SHROOM3: variants seen among roughly 807,000 people sequenced by gnomAD.
The protein encoded by SHROOM3 is shroom family member 3.
SHROOM3 carries 47 observed loss-of-function variants against 138.6 expected under a neutral mutation model. The ratio of observed to expected loss-of-function variants is 0.34; its 90% CI spans 0.27 to 0.43. The LOEUF is 0.43. SHROOM3 is among the 20% of genes least tolerant of loss of function. The pLI is 1.00. For synonymous variants in SHROOM3, 1,062 were observed against 1,063.3 expected (o/e 1.00, Z 0.02); for missense variants, 2,491 against 2,596.5 (o/e 0.96, Z 0.88).
chr4:76,646,578 G>A (rs371069798), intron 2 of SHROOM3, among the ~76,000 whole-genome samples: 7 of 151,804 alleles, frequency 4.6e-5, no homozygotes, highest in African/African-American at 1.7e-4. Context: ...CACATAACAC[G>A]GTACTTCAGG....
chr4:76,668,732 A>C (rs923072739), intron 2 of SHROOM3, among the ~76,000 whole-genome samples: 4 of 152,216 alleles, frequency 2.6e-5, no homozygotes, highest in Admixed American at 1.3e-4. Flanking sequence ...ACACACCTGC[A>C]CAGTTTGAAA....
At chr4:76,495,763 GGAGCAGTGTCT>G (rs1438353872) in intron 1 of SHROOM3, among the ~76,000 whole-genome samples, 1 of 152,234 alleles carries the variant, frequency 6.6e-6, no homozygotes, top group Admixed American at 6.5e-5. Context: ...GTGGAGAATG[GGAGCAGTGTCT>G]GATATCAACT....
chr4:76,759,560 AG>A lies in SHROOM3; in HGVS notation c.5215del (p.Ala1739GlnfsTer2), dbSNP rs745806500. The A allele has an allele frequency of 6.2e-7, 1 of 1,614,136 alleles. No homozygotes were observed. Among genetic ancestry groups the A allele is most frequent in the South Asian group, 1.1e-5 (1 of 91,078 alleles). Reference protein sequence around the residue: ...CEGKRNEDKEAVSMLVNCPAY... With the variant: ...CEGKRNEDKEXVSMLVNCPAY... ...TTTGGCCCAGGAATGAAGACAAGGA[AG>A]CAGTGAGCATGTTGGTTAACTGCCC... On this transcript the variant is annotated frameshift_variant, in exon 9 of 11. Transcript: ENST00000296043. LOFTEE classifies it high-confidence loss of function.
intron 3 of SHROOM3, among the ~76,000 whole-genome samples, chr4:76,722,769 G>A (rs1404885119): frequency 1.3e-5 from 2 of 152,022 alleles, no homozygotes; most frequent in Admixed American, 6.6e-5. Flanking sequence ...GACCTAATTT[G>A]CAGAATATAT....
rs60241765 is a variant in SHROOM3 at position 76,757,190 on chromosome 4, C to T, written c.5198+253C>T. On this transcript the variant is annotated intron_variant, in intron 8 of 10. Coordinates refer to ENST00000296043, the MANE Select transcript of SHROOM3 (RefSeq NM_020859.4). ...CCCATTGTTAACGTTGTGTGTCAAACATTGTATTAATTTATTTATATCAAC... is the reference window on the plus strand; with the variant it reads ...CCCATTGTTAACGTTGTGTGTCAAATATTGTATTAATTTATTTATATCAAC... 69,232 of 488,936 alleles carry T rather than the reference C, an allele frequency of 0.14. 5,713 individuals carry two copies. Among genetic ancestry groups the T allele is most frequent in the East Asian group, 0.22 (5,969 of 26,616 alleles). The allele number at this position is 488,936 out of a possible 1,614,324, so 30.3% of individuals were successfully genotyped here. A position where few individuals can be genotyped will look rare whatever the true frequency, so the allele number is the denominator to read the frequency against.
intron 1 of SHROOM3, among the ~76,000 whole-genome samples, chr4:76,464,001 C>T (rs1731197225): frequency 6.6e-6 from 1 of 152,226 alleles, no homozygotes; most frequent in Non-Finnish European, 1.5e-5. Context: ...TCAGAGTCCC[C>T]ACACAGAGTC....
At chr4:76,598,492 T>C (rs950665845) in intron 2 of SHROOM3, among the ~76,000 whole-genome samples, 3 of 152,200 alleles carry the variant, frequency 2.0e-5, no homozygotes, top group African/African-American at 7.2e-5. Flanking sequence ...ACAAAGTAGC[T>C]TACACAAAGA....
rs779379610 is a variant in SHROOM3, at chr4:76,730,873, CA to C, written c.526del (p.Ser176AlafsTer2). 6.2e-7 allele frequency: 1 copy of C among 1,614,112 alleles called. No homozygotes were observed. The highest frequency in any genetic ancestry group is 8.5e-7 in the Non-Finnish European group (1 of 1,180,020). ...TKSGEKQPDA[S>X]MMQISQGMIG... is the part of the protein sequence containing the mutation. ...AATCTGGGGAGAAGCAACCCGATGC[CA>C]GCATGATGCAGATATCTCAGGGTAT... On this transcript the variant is annotated frameshift_variant, in exon 4 of 11. Coordinates refer to ENST00000296043, the MANE Select transcript of SHROOM3 (RefSeq NM_020859.4). LOFTEE classifies it high-confidence loss of function.
intron 4 of SHROOM3, among the ~76,000 whole-genome samples, chr4:76,731,946 GT>G (rs1014707193): frequency 6.6e-6 from 1 of 152,160 alleles, no homozygotes; most frequent in Non-Finnish European, 1.5e-5. Context: ...TCTAGCTACT[GT>G]TTGTTGTATG....
chr4:76,605,938 T>TATATATACACATATATATATAC (rs1734604720), intron 2 of SHROOM3, among the ~76,000 whole-genome samples: 1 of 142,148 alleles, frequency 7.0e-6, no homozygotes, highest in Middle Eastern at 3.6e-3. Flanking sequence ...TCTCTCTATA[T>TATATATACACATATATATATAC]ATATATATAC....
At chr4:76,467,735 A>G (rs533321796) in intron 1 of SHROOM3, among the ~76,000 whole-genome samples, 3 of 152,302 alleles carry the variant, frequency 2.0e-5, no homozygotes, top group South Asian at 4.2e-4. Flanking sequence ...TGAGATGAAG[A>G]TAAGTAGTCC....
intron 5 of SHROOM3, among the ~76,000 whole-genome samples, chr4:76,743,283 C>A (rs1721322318): frequency 6.6e-6 from 1 of 152,184 alleles, no homozygotes; most frequent in Non-Finnish European, 1.5e-5. Flanking sequence ...ACGCATACAG[C>A]AACAAATGCT....
chr4:76,696,560 C>A (rs1719741005), intron 2 of SHROOM3, among the ~76,000 whole-genome samples: 1 of 152,184 alleles, frequency 6.6e-6, no homozygotes, highest in Non-Finnish European at 1.5e-5. Flanking sequence ...GGGTGATGGA[C>A]TGCTCACAGG....
At chr4:76,666,419 C>T (rs867617824) in intron 2 of SHROOM3, among the ~76,000 whole-genome samples, 2 of 152,172 alleles carry the variant, frequency 1.3e-5, no homozygotes, top group African/African-American at 2.4e-5. Context: ...CAGGCATACA[C>T]CATTATGCCC....
rs536589072 is a variant in SHROOM3, at chr4:76,689,036, A to G, written c.324-21120A>G. 5.4e-5 allele frequency: 39 copies of G among 720,868 alleles called. No homozygotes were observed. The East Asian group carries it at 5.0e-3, about 92-fold the overall frequency. 44.7% of individuals were successfully genotyped at this position (720,868 alleles called of 1,614,324 possible). On this transcript the variant is annotated intron_variant, in intron 2 of 10. Transcript: ENST00000296043. ...CTTCATTTGATCAATTACTAACTGT[A>G]TAGCCTCTGAAAAGCGAGCGCGGGC...
intron 2 of SHROOM3, among the ~76,000 whole-genome samples, chr4:76,616,471 C>G (rs1293383130): frequency 6.6e-6 from 1 of 152,166 alleles, no homozygotes; most frequent in Non-Finnish European, 1.5e-5. Context: ...CATACACACA[C>G]ACACACAATG....
chr4:76,750,492 A>G (rs1241997725), intron 6 of SHROOM3, among the ~76,000 whole-genome samples: 2 of 152,194 alleles, frequency 1.3e-5, no homozygotes, highest in Admixed American at 6.6e-5. Context: ...GAAGGGAACA[A>G]TAGACACTGG....
intron 5 of SHROOM3, chr4:76,742,131 A>G: frequency 2.9e-6 from 2 of 698,788 alleles, no homozygotes; most frequent in South Asian, 3.2e-5. Flanking sequence ...TATCTAGATT[A>G]CGTATGTTGT....
At chr4:76,540,414 A>G (rs1733074326) in intron 1 of SHROOM3, among the ~76,000 whole-genome samples, 1 of 152,242 alleles carries the variant, frequency 6.6e-6, no homozygotes, top group African/African-American at 2.4e-5. Flanking sequence ...TAAAGCCAGT[A>G]CTAAAAAATC....
Sources: allele counts gnomAD v4.1 joint callset (sites outside exome capture counted in the v4.1 genomes callset), GRCh38; gene constraint gnomAD v4.1.1; transcripts MANE v1.5; gene names NCBI Gene and HGNC (gene_info 2026-07-23, HGNC 2026-07-21).